Variants in FAM184A observed in about 807,000 individuals in gnomAD.
FAM184A encodes family with sequence similarity 184 member A, also known as protein FAM184A.
Under a neutral mutation model 143.8 loss-of-function variants are expected in FAM184A, and 99 were observed. That is an observed-to-expected ratio of 0.69 (90% confidence interval 0.58 to 0.81). The LOEUF (loss-of-function observed/expected upper bound fraction) is 0.81. Among genes scored for constraint, FAM184A ranks in the 40% least tolerant of loss-of-function variants. The pLI is 0.00. For synonymous variants in FAM184A, 427 were observed against 446.4 expected, an observed-to-expected ratio of 0.96 and a Z score of 0.55; for missense variants, 1,217 against 1,310.5, an observed-to-expected ratio of 0.93 and a Z score of 1.10.
At chr6:119,080,147 T>A (rs924184799), upstream of FAM184A, among the ~76,000 whole-genome samples, 2 of 152,232 alleles carry the variant, frequency 1.3e-5, no homozygotes, top group African/African-American at 4.8e-5. Context: ...TTCACTAAAT[T>A]TGTATAGCCA....
Position 119,013,829 on chromosome 6 carries a change from CTCT to C in FAM184A, c.1531-2401_1531-2399del, listed in dbSNP as rs1167804449. On this transcript the variant is annotated intron_variant, in intron 5 of 17. Transcript: ENST00000338891. ...AGGCAGATCTCAATTCATATCCTAT[CTCT>C]TCTTAATAGCGCTGTGGCTCTCACG... 3.9e-5 allele frequency among the ~76,000 whole-genome samples: 6 copies of C among 152,346 alleles called. No homozygotes were observed. In the East Asian group the frequency reaches 7.7e-4, roughly 20 times the overall value.
chr6:119,078,801 G>GCGCAGC (rs945236401), upstream of FAM184A: 5 of 153,860 alleles, frequency 3.2e-5, no homozygotes, highest in African/African-American at 9.7e-5. The surrounding 1 kb of genome is among the most constrained non-coding windows in gnomAD (Gnocchi z 5.5). Context: ...GCCCAGCCCC[G>GCGCAGC]CGCAGCCGCC....
intron 1 of FAM184A, among the ~76,000 whole-genome samples, chr6:119,121,367 G>A (rs1030340542): frequency 2.0e-5 from 3 of 152,122 alleles, no homozygotes; most frequent in African/African-American, 7.2e-5. Context: ...AAACTCTTGA[G>A]CTCAAGCAGT....
At chr6:119,092,493 T>G (rs1788397106) in intron 1 of FAM184A, among the ~76,000 whole-genome samples, 1 of 152,160 alleles carries the variant, frequency 6.6e-6, no homozygotes, top group African/African-American at 2.4e-5. Context: ...CAGTATAATA[T>G]TTCAATATGT....
At chr6:119,123,115 G>A (rs571942387) in intron 1 of FAM184A, among the ~76,000 whole-genome samples, 10 of 151,948 alleles carry the variant, frequency 6.6e-5, no homozygotes, top group African/African-American at 2.4e-4. Context: ...GCAGGCGGGG[G>A]GATGGTTCAC....
intron 7 of FAM184A, among the ~76,000 whole-genome samples, chr6:119,004,764 G>T (rs183026888): frequency 6.6e-6 from 1 of 152,276 alleles, no homozygotes; most frequent in East Asian, 1.9e-4. Context: ...AATTGATAGA[G>T]TTTTGCTTAA....
At chr6:119,123,400 AAAAC>A (rs1345835570) in intron 1 of FAM184A, among the ~76,000 whole-genome samples, 1 of 152,090 alleles carries the variant, frequency 6.6e-6, no homozygotes, top group Non-Finnish European at 1.5e-5. Context: ...AAAATACCAA[AAAAC>A]AAACAAACAA....
chr6:119,008,222 G>A (rs12527363), intron 6 of FAM184A, among the ~76,000 whole-genome samples: 52,424 of 151,906 alleles, frequency 0.35, 10,001 homozygotes, highest in East Asian at 0.68. Context: ...CTTCTCTATC[G>A]GTCCATGTGG....
chr6:118,991,047 A>C (rs976632418), intron 9 of FAM184A, among the ~76,000 whole-genome samples: 1 of 152,178 alleles, frequency 6.6e-6, no homozygotes, highest in Non-Finnish European at 1.5e-5. Context: ...CAAATGTATA[A>C]AAATTAAAAA....
chr6:119,112,633 C>T (rs1788962953), intron 1 of FAM184A, among the ~76,000 whole-genome samples: 1 of 152,176 alleles, frequency 6.6e-6, no homozygotes, highest in Admixed American at 6.5e-5. Flanking sequence ...TCGTCAGTGG[C>T]TATTACCTGT....
intron 1 of FAM184A, among the ~76,000 whole-genome samples, chr6:119,123,597 G>A (rs890810890): frequency 6.6e-6 from 1 of 152,120 alleles, no homozygotes; most frequent in Non-Finnish European, 1.5e-5. Context: ...ATCATGGTTG[G>A]CAAGGAAGGG....
intron 5 of FAM184A, among the ~76,000 whole-genome samples, chr6:119,014,611 G>A (rs1302793963): frequency 6.6e-6 from 1 of 152,190 alleles, no homozygotes; most frequent in Non-Finnish European, 1.5e-5. Flanking sequence ...TGAAGAGACA[G>A]CTCAAGAACA....
chr6:119,076,311 G>A (rs1411342680), intron 1 of FAM184A, among the ~76,000 whole-genome samples: 1 of 152,146 alleles, frequency 6.6e-6, no homozygotes, highest in Non-Finnish European at 1.5e-5. Context: ...AGTGTTTAGA[G>A]ACTGTAACTA....
chr6:118,976,188 A>G lies in FAM184A; in HGVS notation c.2456-144T>C, dbSNP rs1783841444. ...AAATTAATAGATTATAAACTATGAC[A>G]AATTTAAATATTACAGACTACAATA... On this transcript the variant is annotated intron_variant, in intron 11 of 17. Transcript: ENST00000338891. The G allele has an allele frequency of 5.4e-6, 4 of 741,916 alleles. No individual in the cohort carries two copies. The South Asian group carries it at 7.1e-5, about 13-fold the overall frequency. 46.0% of individuals were successfully genotyped at this position (741,916 alleles called of 1,614,324 possible).
chr6:119,125,388 G>A (rs2114867448), intron 1 of FAM184A, among the ~76,000 whole-genome samples: 1 of 152,214 alleles, frequency 6.6e-6, no homozygotes, highest in Admixed American at 6.5e-5. Context: ...TGATTCTCCT[G>A]CCTCAGCCTC....
At chr6:119,086,750 G>A (rs756029680) in intron 1 of FAM184A, among the ~76,000 whole-genome samples, 3 of 152,194 alleles carry the variant, frequency 2.0e-5, no homozygotes, top group Non-Finnish European at 4.4e-5. Flanking sequence ...GCAGGAACAT[G>A]AAATAATCGT....
At chr6:119,015,301 C>A (rs77578042) in intron 5 of FAM184A, among the ~76,000 whole-genome samples, 54,773 of 151,818 alleles carry the variant, frequency 0.36, 10,731 homozygotes, top group East Asian at 0.68. Flanking sequence ...AGCCGGCTCC[C>A]TCAACTTGCA....
At chr6:119,140,225 T>C (rs1338800032) in intron 1 of FAM184A, among the ~76,000 whole-genome samples, 1 of 152,076 alleles carries the variant, frequency 6.6e-6, no homozygotes. Context: ...TTGGGTGTGG[T>C]AGGGAGAGGA....
At chr6:118,969,987 A>ATC in intron 14 of FAM184A, among the ~76,000 whole-genome samples, 1 of 26,444 alleles carries the variant, frequency 3.8e-5, no homozygotes, top group Non-Finnish European at 6.5e-5. Flanking sequence ...GGGTGTATAT[A>ATC]TATATAATAT....
Sources: gnomAD v4.1 joint callset for allele counts (sites outside exome capture counted in the v4.1 genomes callset) on GRCh38, gnomAD v4.1.1 for gene constraint, Gnocchi (gnomAD v3.1) non-coding constraint, MANE v1.5 for transcripts, NCBI Gene and HGNC (gene_info 2026-07-23, HGNC 2026-07-21) for gene names.